Variants in PARP8 observed in about 807,000 individuals in gnomAD.
PARP8 encodes the protein poly(ADP-ribose) polymerase family member 8, also known as protein mono-ADP-ribosyltransferase PARP8.
In PARP8, 51 loss-of-function variants were observed where a neutral mutation model predicts 124.1. That is an observed-to-expected ratio of 0.41 (90% CI 0.33 to 0.52). The LOEUF (loss-of-function observed/expected upper bound fraction) is 0.52. Among genes scored for constraint, PARP8 ranks in the 20% least tolerant of loss-of-function variants. The pLI is 0.21. For synonymous variants in PARP8, 391 were observed against 361.5 expected, an observed-to-expected ratio of 1.08 and a Z score of -0.93; for missense variants, 860 against 1,018.9, an observed-to-expected ratio of 0.84 and a Z score of 2.12.
intron 2 of PARP8, among the ~76,000 whole-genome samples, chr5:50,747,917 C>T (rs1434943900): frequency 1.3e-5 from 2 of 151,414 alleles, no homozygotes; most frequent in Admixed American, 1.3e-4. Context: ...GGACTACAGG[C>T]GCCTGCCACC....
intron 2 of PARP8, among the ~76,000 whole-genome samples, chr5:50,722,243 GA>G (rs1755966075): frequency 6.6e-6 from 1 of 152,082 alleles, no homozygotes; most frequent in Admixed American, 6.6e-5. Context: ...GCTGAAAACT[GA>G]AGTTCGATAG....
chr5:50,781,834 C>T (rs1740708434), intron 9 of PARP8, among the ~76,000 whole-genome samples: 1 of 152,172 alleles, frequency 6.6e-6, no homozygotes, highest in Admixed American at 6.5e-5. Context: ...CCAGTTTTAC[C>T]TACAAGATGG....
At chr5:50,706,433 C>T (rs1400686468) in intron 2 of PARP8, among the ~76,000 whole-genome samples, 1 of 151,870 alleles carries the variant, frequency 6.6e-6, no homozygotes, top group East Asian at 1.9e-4. Context: ...CTCTTCCTGT[C>T]CCATTTGACC....
chr5:50,784,792 G>A (rs1741062927), intron 9 of PARP8, among the ~76,000 whole-genome samples: 2 of 151,716 alleles, frequency 1.3e-5, no homozygotes, highest in Admixed American at 1.3e-4. Context: ...TGCTTTTTTT[G>A]CTTAGGTCAC....
chr5:50,689,148 T>C (rs71615978), intron 2 of PARP8, among the ~76,000 whole-genome samples: 10,157 of 151,674 alleles, frequency 0.067, 375 homozygotes, highest in Middle Eastern at 0.11. Context: ...AATCCACCTG[T>C]TATTTGAGGT....
At chr5:50,735,956 T>TTCC (rs1554052160) in intron 2 of PARP8, among the ~76,000 whole-genome samples, 2 of 134,398 alleles carry the variant, frequency 1.5e-5, no homozygotes. Context: ...TCTAGGGGAT[T>TTCC]CCCCCCCCCC....
intron 25 of PARP8, among the ~76,000 whole-genome samples, chr5:50,838,532 T>G (rs1002488270): frequency 3.3e-5 from 5 of 152,034 alleles, no homozygotes; most frequent in Admixed American, 6.6e-5. Context: ...TATCCCCATT[T>G]AGAGTTAACT....
intron 2 of PARP8, among the ~76,000 whole-genome samples, chr5:50,685,333 A>G (rs1216826054): frequency 3.9e-5 from 6 of 152,342 alleles, no homozygotes; most frequent in South Asian, 4.1e-4. Flanking sequence ...GGGCCTAACA[A>G]TGTCTTCAAG....
intron 14 of PARP8, among the ~76,000 whole-genome samples, chr5:50,806,478 A>G (rs1387745478): frequency 6.6e-6 from 1 of 152,052 alleles, no homozygotes; most frequent in Non-Finnish European, 1.5e-5. Flanking sequence ...TATCTGCAAC[A>G]ATAAATATTG....
At chr5:50,671,351 A>G (rs1749986327) in intron 2 of PARP8, among the ~76,000 whole-genome samples, 1 of 152,184 alleles carries the variant, frequency 6.6e-6, no homozygotes, top group African/African-American at 2.4e-5. Context: ...CCCTGGGGCC[A>G]GTGGTTACCA....
chr5:50,809,388 A>G (rs750641736), intron 14 of PARP8, among the ~76,000 whole-genome samples: 2 of 152,102 alleles, frequency 1.3e-5, no homozygotes, highest in African/African-American at 2.4e-5. Context: ...TTTCATTTTT[A>G]GTAAGAAAAA....
chr5:50,720,473 T>A (rs1029632467), intron 2 of PARP8, among the ~76,000 whole-genome samples: 110 of 152,144 alleles, frequency 7.2e-4, no homozygotes, highest in African/African-American at 2.5e-3. Flanking sequence ...TCCTGGGTGG[T>A]ATCCCTGTTT....
At chr5:50,762,011 T>C in intron 6 of PARP8, 113 bp downstream of exon 6, 1 of 525,582 alleles carries the variant, frequency 1.9e-6, no homozygotes, top group Non-Finnish European at 3.4e-6. Flanking sequence ...CAGGGTTCTG[T>C]AACTAACTAG....
chr5:50,817,682 G>T (rs1745256393), intron 15 of PARP8, among the ~76,000 whole-genome samples: 1 of 152,110 alleles, frequency 6.6e-6, no homozygotes, highest in Non-Finnish European at 1.5e-5. Flanking sequence ...TACTATTGCA[G>T]TATTGGACAA....
At chr5:50,764,514 C>T (rs1306174596) in intron 7 of PARP8, among the ~76,000 whole-genome samples, 1 of 152,186 alleles carries the variant, frequency 6.6e-6, no homozygotes, top group Admixed American at 6.5e-5. Flanking sequence ...GAAATAGAAA[C>T]TCCCTACCAT....
Position 50,821,289 on chromosome 5 carries a change from C to T in PARP8, c.1745C>T (p.Pro582Leu). 1 of 1,614,048 alleles carries T rather than the reference C, an allele frequency of 6.2e-7. No homozygotes were observed. Among genetic ancestry groups the T allele is most frequent in the Non-Finnish European group, 8.5e-7 (1 of 1,179,940 alleles). Residue 582 changes from proline to leucine, a missense_variant, in exon 16 of 26, where the codon CCT (proline) becomes CTT (leucine). Pro to Leu is a moderately conservative substitution (Grantham distance 98). Coordinates refer to ENST00000281631, the MANE Select transcript of PARP8 (RefSeq NM_024615.4). Reference protein sequence around the residue: ...PRKVVIFEPYPSVVDPNDPQM... With the variant: ...PRKVVIFEPYLSVVDPNDPQM... ...AAAGTTGTGATTTTCGAGCCATATC[C>T]TTCTGTGGTAGATCCTAATGATCCT... is the stretch of plus-strand genomic sequence containing the variant.
intron 2 of PARP8, among the ~76,000 whole-genome samples, chr5:50,679,720 G>C (rs1229341430): frequency 6.6e-6 from 1 of 152,178 alleles, no homozygotes; most frequent in Non-Finnish European, 1.5e-5. Flanking sequence ...GAAATATTCT[G>C]TTGAGGGCTA....
At chr5:50,754,810 A>C (rs1316432022) in intron 3 of PARP8, among the ~76,000 whole-genome samples, 5 of 152,164 alleles carry the variant, frequency 3.3e-5, no homozygotes, top group African/African-American at 9.7e-5. Context: ...ACAGTGTAAA[A>C]GTGTTCCTAT....
intron 9 of PARP8, among the ~76,000 whole-genome samples, chr5:50,785,948 A>C (rs1345430170): frequency 6.6e-6 from 1 of 152,090 alleles, no homozygotes; most frequent in Non-Finnish European, 1.5e-5. Flanking sequence ...CTTTCACCTA[A>C]TTAGGACACC....
Sources: gnomAD v4.1 joint callset for allele counts (sites outside exome capture counted in the v4.1 genomes callset) on GRCh38, gnomAD v4.1.1 for gene constraint, MANE v1.5 for transcripts, NCBI Gene and HGNC (gene_info 2026-07-23, HGNC 2026-07-21) for gene names.